TMEM178B: variants seen among roughly 807,000 people sequenced by gnomAD.
The protein encoded by TMEM178B is transmembrane protein 178B.
TMEM178B carries 5 observed loss-of-function variants against 31.0 expected under a neutral mutation model. The observed-to-expected ratio is 0.16, with a 90% CI of 0.08 to 0.34. The LOEUF is 0.34. TMEM178B is among the 10% of genes least tolerant of loss of function. The pLI, the probability that TMEM178B is intolerant of heterozygous loss-of-function variation, is 1.00. For synonymous variants in TMEM178B, 164 were observed against 164.0 expected (o/e 1.00, Z 0.00); for missense variants, 275 against 400.3 (o/e 0.69, Z 2.67).
downstream of TMEM178B, among the ~76,000 whole-genome samples, chr7:141,481,155 G>T (rs1313529765): frequency 6.6e-6 from 1 of 152,228 alleles, no homozygotes; most frequent in African/African-American, 2.4e-5. Context: ...GTATGGCGCT[G>T]CTTCTGCCGC....
intron 1 of TMEM178B, among the ~76,000 whole-genome samples, chr7:141,179,591 T>A (rs570985145): frequency 4.6e-5 from 7 of 152,342 alleles, no homozygotes; most frequent in African/African-American, 1.7e-4. Context: ...GTAGTTCAAG[T>A]TCTATTTGAA....
At chr7:141,402,129 C>T (rs375143534) in intron 2 of TMEM178B, among the ~76,000 whole-genome samples, 84 of 152,264 alleles carry the variant, frequency 5.5e-4, no homozygotes, top group South Asian at 5.2e-3. Context: ...TCCTGCCCTC[C>T]GGAGGACCCG....
In TMEM178B at chr7:141,471,781, C is replaced by CAT. The variant is rs1802247896; in HGVS notation, c.*995_*996insAT. 7.0e-6 allele frequency: 1 copy of CAT among 142,548 alleles called. No homozygotes were observed. The highest frequency in any genetic ancestry group is 1.5e-5 in the Non-Finnish European group (1 of 65,582). 8.8% of individuals were successfully genotyped at this position (142,548 alleles called of 1,614,324 possible). A position where few individuals can be genotyped will look rare whatever the true frequency, so the allele number is the denominator to read the frequency against. ...AGATCCCTGGAGTGGTGTGTGTGTG[C>CAT]GTGTGTGTGTGTGTGTGTGTGTGTG... On this transcript the variant is annotated 3_prime_UTR_variant, in exon 4 of 4. Transcript: ENST00000565468. This position sits in a 1 kb window ranked among gnomAD's most constrained non-coding sequence, Gnocchi z 4.1.
chr7:141,077,406 A>G (rs1010084547), intron 1 of TMEM178B, among the ~76,000 whole-genome samples: 1 of 152,248 alleles, frequency 6.6e-6, no homozygotes, highest in South Asian at 2.1e-4. Flanking sequence ...TATTTGTTAA[A>G]TCGATGTTCA....
intron 1 of TMEM178B, among the ~76,000 whole-genome samples, chr7:141,093,991 C>T (rs1412365466): frequency 6.6e-6 from 1 of 152,042 alleles, no homozygotes; most frequent in Non-Finnish European, 1.5e-5. Context: ...GGTAACTGGA[C>T]TGAGAAAGTT....
intron 1 of TMEM178B, among the ~76,000 whole-genome samples, chr7:141,118,064 A>G (rs1795349195): frequency 6.6e-6 from 1 of 152,200 alleles, no homozygotes. Context: ...TTGGGAAATT[A>G]TTGTGTTGTA....
At position 141,255,689 on chromosome 7, in the gene TMEM178B, G is replaced by A. The variant is rs562438755; in HGVS notation, c.496+42985G>A. 2.8e-3 allele frequency among the ~76,000 whole-genome samples: 420 copies of A among 151,452 alleles called. 3 individuals are homozygous for A. The highest frequency in any genetic ancestry group is 0.014 in the Middle Eastern group (4 of 292). On this transcript the variant is annotated intron_variant, in intron 2 of 3. Transcript: ENST00000565468. ...TGAGTAAAAAACCTAATCCTGTACC[G>A]ATATGAATCTGTAGACTGGATATTG...
At chr7:141,079,108 GA>G (rs1794643667) in intron 1 of TMEM178B, among the ~76,000 whole-genome samples, 1 of 152,186 alleles carries the variant, frequency 6.6e-6, no homozygotes, top group Non-Finnish European at 1.5e-5. Flanking sequence ...CCAACATGGT[GA>G]AAACCCATCT....
chr7:141,328,822 TTGAA>T (rs1163081973), intron 2 of TMEM178B, among the ~76,000 whole-genome samples: 2 of 152,212 alleles, frequency 1.3e-5, no homozygotes. Context: ...GCAAAGGGCT[TTGAA>T]AACAGCTAGT....
At chr7:141,427,885 G>T (rs1229289640) in intron 2 of TMEM178B, among the ~76,000 whole-genome samples, 2 of 152,084 alleles carry the variant, frequency 1.3e-5, no homozygotes, top group African/African-American at 2.4e-5. Flanking sequence ...TTTAAAAATG[G>T]GCAAAAGCTT....
intron 2 of TMEM178B, among the ~76,000 whole-genome samples, chr7:141,254,297 G>A (rs1364394034): frequency 6.6e-6 from 1 of 152,212 alleles, no homozygotes; most frequent in Non-Finnish European, 1.5e-5. Flanking sequence ...GGCTGCCTGG[G>A]TGTGGGGCAG....
the TMEM178B span, among the ~76,000 whole-genome samples, chr7:141,490,237 T>A: frequency 6.6e-6 from 1 of 152,232 alleles, no homozygotes; most frequent in Non-Finnish European, 1.5e-5. Flanking sequence ...CTCCAAAAAA[T>A]GTTGAAACCT....
chr7:141,148,015 A>G (rs1795883077), intron 1 of TMEM178B, among the ~76,000 whole-genome samples: 1 of 152,230 alleles, frequency 6.6e-6, no homozygotes. Context: ...ATTATCTTAT[A>G]GTACCAGATA....
intron 2 of TMEM178B, among the ~76,000 whole-genome samples, chr7:141,327,868 A>G (rs1343670735): frequency 1.3e-5 from 2 of 152,178 alleles, no homozygotes; most frequent in Non-Finnish European, 2.9e-5. Flanking sequence ...CCACATCCAT[A>G]TAGAGTGTGT....
At chr7:141,330,844 T>C (rs975176308) in intron 2 of TMEM178B, among the ~76,000 whole-genome samples, 1 of 152,214 alleles carries the variant, frequency 6.6e-6, no homozygotes, top group Non-Finnish European at 1.5e-5. Context: ...GTGATTGTAA[T>C]AATCTAGGCA....
At chr7:141,343,242 C>A (rs1482023035) in intron 2 of TMEM178B, among the ~76,000 whole-genome samples, 1 of 152,212 alleles carries the variant, frequency 6.6e-6, no homozygotes, top group East Asian at 1.9e-4. Context: ...CAAAGCCATG[C>A]ACAGTAAACA....
chr7:141,217,743 A>G (rs1365112972), intron 2 of TMEM178B, among the ~76,000 whole-genome samples: 2 of 152,118 alleles, frequency 1.3e-5, no homozygotes. Context: ...AGGTTCCCTC[A>G]GGGTCAGATC....
intron 1 of TMEM178B, among the ~76,000 whole-genome samples, chr7:141,151,508 T>G (rs1320470451): frequency 6.6e-6 from 1 of 152,088 alleles, no homozygotes; most frequent in Non-Finnish European, 1.5e-5. Flanking sequence ...CACCTGACTC[T>G]AAGGCAGGGG....
chr7:141,230,552 T>C (rs960607077), intron 2 of TMEM178B, among the ~76,000 whole-genome samples: 3 of 152,204 alleles, frequency 2.0e-5, no homozygotes, highest in African/African-American at 7.2e-5. Flanking sequence ...CTTCAGTGGG[T>C]GTGCCACTTG....
Sources: allele counts gnomAD v4.1 joint callset (sites outside exome capture counted in the v4.1 genomes callset), GRCh38; gene constraint gnomAD v4.1.1; non-coding constraint Gnocchi (gnomAD v3.1); transcripts MANE v1.5; gene names NCBI Gene and HGNC (gene_info 2026-07-23, HGNC 2026-07-21).